The following RTN4 variants were observed in gnomAD, a reference collection of about 807,000 sequenced individuals.
RTN4 encodes the protein reticulon-4.
RTN4 carries 32 observed loss-of-function variants against 90.4 expected under a neutral mutation model. That is an observed-to-expected ratio of 0.35 (90% CI 0.27 to 0.48). The LOEUF is 0.48. RTN4 is among the 20% of genes least tolerant of loss of function. The pLI is 0.99. For synonymous variants in RTN4, 629 were observed against 552.5 expected, an observed-to-expected ratio of 1.14 and a Z score of -1.94; for missense variants, 1,706 against 1,430.2, an observed-to-expected ratio of 1.19 and a Z score of -3.11.
intron 1 of RTN4, among the ~76,000 whole-genome samples, chr2:55,033,362 T>C (rs1682460947): frequency 6.6e-6 from 1 of 152,244 alleles, no homozygotes; most frequent in Admixed American, 6.5e-5. Context: ...TCCTCATTAT[T>C]CATGGATTCC....
chr2:54,996,922 A>G (rs961705296), intron 3 of RTN4, among the ~76,000 whole-genome samples: 1 of 152,178 alleles, frequency 6.6e-6, no homozygotes, highest in Non-Finnish European at 1.5e-5. Context: ...ACCTAGCCAG[A>G]AAACTCTTTA....
intron 4 of RTN4, among the ~76,000 whole-genome samples, chr2:54,983,552 T>C (rs879895703): frequency 6.6e-6 from 1 of 152,172 alleles, no homozygotes; most frequent in Non-Finnish European, 1.5e-5. Flanking sequence ...AATAACATCT[T>C]AGACAACTCC....
At position 54,990,785 on chromosome 2, in the gene RTN4, TC is replaced by T. The variant is rs1280707605; in HGVS notation, c.3014-3088del. Among the ~76,000 whole-genome samples, 18 of 152,206 alleles carry T rather than the reference TC, an allele frequency of 1.2e-4. 1 individual carries two copies. In the East Asian group the frequency reaches 3.5e-3, roughly 29 times the overall value. ...GTAAGGTGTACCTCAAATATATTTT[TC>T]TTTTACTTTTTTTTTTTGAGACAGA... On this transcript the variant is annotated intron_variant, in intron 3 of 8. Transcript: ENST00000337526.
chr2:55,049,495 G>C lies in RTN4; in HGVS notation c.556+250C>G. 2 of 582,518 alleles carry C rather than the reference G, an allele frequency of 3.4e-6. 1 individual carries two copies. Among genetic ancestry groups the C allele is most frequent in the South Asian group, 4.2e-5 (2 of 47,928 alleles). The allele number at this position is 582,518 out of a possible 1,614,324, so 36.1% of individuals were successfully genotyped here. ...CCGTACGCTGGGCATCACACAGGGT[G>C]AAAGTGGGAGCCGGGAGCGGTGCAC... On this transcript the variant is annotated intron_variant, in intron 1 of 8. Transcript: ENST00000337526.
the RTN4 span, among the ~76,000 whole-genome samples, chr2:55,128,350 A>G: frequency 1.3e-5 from 2 of 152,166 alleles, no homozygotes; most frequent in Non-Finnish European, 1.5e-5. Context: ...CAACAGCAAT[A>G]GCTTAAAGCT....
rs768788957 is a variant in RTN4 at position 55,025,187 on chromosome 2, T to C, written c.2912A>G (p.Lys971Arg). The change falls in exon 3 of 9, where the codon AAA (lysine) becomes AGA (arginine). Residue 971 changes from lysine (K) to arginine (R), a missense_variant. Physicochemically the swap from Lys to Arg is conservative, Grantham distance 26. Transcript: ENST00000337526. ...TTTCTCAGCTTCTTTCACAAGAACTTTGGGTTTAACTATGCTCTCTATCTC... is the reference window on the plus strand; with the variant it reads ...TTTCTCAGCTTCTTTCACAAGAACTCTGGGTTTAACTATGCTCTCTATCTC... ...QAEIESIVKPKVLVKEAEKKL... is the reference protein window; with the variant it reads ...QAEIESIVKPRVLVKEAEKKL... 7 of 1,613,810 alleles carry C rather than the reference T, an allele frequency of 4.3e-6. No homozygotes were observed. The highest frequency in any genetic ancestry group is 5.9e-6 in the Non-Finnish European group (7 of 1,179,812).
chr2:54,991,648 C>G (rs747462497), intron 3 of RTN4, among the ~76,000 whole-genome samples: 1 of 152,154 alleles, frequency 6.6e-6, no homozygotes, highest in Non-Finnish European at 1.5e-5. Context: ...GGATCCAAAC[C>G]GATGAAGTTT....
intron 4 of RTN4, among the ~76,000 whole-genome samples, chr2:54,985,031 T>C (rs1476372968): frequency 6.6e-6 from 1 of 152,106 alleles, no homozygotes; most frequent in Non-Finnish European, 1.5e-5. Context: ...AAATGATGTG[T>C]AAAATTGGAA....
intron 1 of RTN4, among the ~76,000 whole-genome samples, chr2:55,090,561 T>G (rs983688565): frequency 5.9e-5 from 9 of 152,056 alleles, no homozygotes; most frequent in African/African-American, 9.7e-5. Flanking sequence ...AGTCTCCACC[T>G]CCCCTCTATC....
chr2:55,092,436 T>C (rs1040892485), intron 1 of RTN4, among the ~76,000 whole-genome samples: 1 of 152,054 alleles, frequency 6.6e-6, no homozygotes, highest in African/African-American at 2.4e-5. Context: ...GGTTTCTCCA[T>C]GTTGTCAGCC....
intron 4 of RTN4, 48 bp downstream of exon 4, chr2:54,987,443 C>G: frequency 7.6e-7 from 1 of 1,311,954 alleles, no homozygotes; most frequent in Non-Finnish European, 1.1e-6. Context: ...TAATACCAAT[C>G]CTGTTTACAC....
intron 1 of RTN4, among the ~76,000 whole-genome samples, chr2:55,081,695 T>G (rs770791727): frequency 1.3e-5 from 2 of 151,812 alleles, no homozygotes; most frequent in Admixed American, 6.6e-5. Context: ...AGACCTCATC[T>G]CTCAAAAATT....
At chr2:55,044,922 C>A (rs921485596) in intron 1 of RTN4, among the ~76,000 whole-genome samples, 3 of 151,498 alleles carry the variant, frequency 2.0e-5, no homozygotes. Flanking sequence ...AATGGCTTAA[C>A]CAGAAATTAT....
rs1265695743 is a variant in RTN4, at chr2:55,025,703, T to C, written c.2396A>G (p.Tyr799Cys). ...TAAACTGAGCTTAAAAGATTCCAAA[T>C]ATGGCTTTCCTCCCTCAGGTGGCAA... ...SALPPEGGKP[Y>C]LESFKLSLDN... Residue 799 changes from tyrosine (Y) to cysteine (C), a missense_variant, in exon 3 of 9, where the codon TAT becomes TGT. Tyr to Cys is a radical substitution (Grantham distance 194). Transcript: ENST00000337526. 1.1e-5 allele frequency: 18 copies of C among 1,613,844 alleles called. No individual in the cohort carries two copies. Among genetic ancestry groups the C allele is most frequent in the Non-Finnish European group, 1.4e-5 (17 of 1,179,836 alleles).
At chr2:55,020,588 G>C (rs1292262010) in intron 3 of RTN4, among the ~76,000 whole-genome samples, 1 of 152,084 alleles carries the variant, frequency 6.6e-6, no homozygotes, top group Non-Finnish European at 1.5e-5. Context: ...TTAGTTTCTT[G>C]ACAAACTTTA....
rs1297337234 is a variant in RTN4 at position 55,015,159 on chromosome 2, C to T, written c.3013+9927G>A. On this transcript the variant is annotated intron_variant, in intron 3 of 8. Coordinates refer to ENST00000337526, the MANE Select transcript of RTN4 (RefSeq NM_020532.5). ...TGCAACACTAGATGGCACCAACACC[C>T]GTAGTCTACAGTTGATTGCCCAGTT... Among the ~76,000 whole-genome samples the T allele has an allele frequency of 3.9e-5, 6 of 152,076 alleles. No individual in the cohort carries two copies. In the East Asian group the frequency reaches 9.6e-4, roughly 24 times the overall value.
intron 1 of RTN4, chr2:55,046,800 A>G (rs1667769249): frequency 6.6e-6 from 1 of 152,222 alleles, no homozygotes; most frequent in Non-Finnish European, 1.5e-5. Flanking sequence ...CATAATCACA[A>G]TGTTCTTACA....
chr2:54,973,312 A>G (rs928182823), intron 8 of RTN4, 114 bp from the exon 9 acceptor site: 18 of 1,034,938 alleles, frequency 1.7e-5, no homozygotes, highest in Non-Finnish European at 5.8e-6. Context: ...AAATCCTTAA[A>G]GCTGCCTAAT....
chr2:55,079,333 C>A lies in RTN4; in HGVS notation c.-63+1156G>T, dbSNP rs74453429. Among the ~76,000 whole-genome samples, 306 of 152,230 alleles carry A rather than the reference C, an allele frequency of 2.0e-3. 13 individuals carry two copies. In the East Asian group the frequency reaches 0.056, roughly 28 times the overall value. On this transcript the variant is annotated intron_variant, in intron 2 of 3. Transcript: ENST00000427710. ...GAAGGAACAAGTGTTATTTCTTCTA[C>A]TTATTGGAAGGACAGACTGGGCTTT...
Sources: gnomAD v4.1 joint callset for allele counts (sites outside exome capture counted in the v4.1 genomes callset) on GRCh38, gnomAD v4.1.1 for gene constraint, MANE v1.5 for transcripts, NCBI Gene and HGNC (gene_info 2026-07-23, HGNC 2026-07-21) for gene names.